IFT74: variants seen among roughly 807,000 people sequenced by gnomAD.
The protein encoded by IFT74 is intraflagellar transport 74.
IFT74 carries 92 observed loss-of-function variants against 96.7 expected under a neutral mutation model. That is an observed-to-expected ratio of 0.95 (90% CI 0.80 to 1.13). The LOEUF (loss-of-function observed/expected upper bound fraction) is 1.13. Among genes scored for constraint, IFT74 ranks in the 50% most tolerant of loss-of-function variants. The pLI is 0.00. For synonymous variants in IFT74, 223 were observed against 213.2 expected (o/e 1.05, Z -0.40); for missense variants, 811 against 698.2 (o/e 1.16, Z -1.82).
rs148613009 is a variant in IFT74, at chr9:26,988,568, T to G, written c.466-101T>G. ...TCAAAAGTATTAATACTTAAGTTAC[T>G]ACTCATTATTTGTAAGACTGAATAC... On this transcript the variant is annotated intron_variant, in intron 6 of 19. Coordinates refer to ENST00000380062, the MANE Select transcript of IFT74 (RefSeq NM_025103.4). 1,331 of 1,078,578 alleles carry G rather than the reference T, an allele frequency of 1.2e-3. 6 individuals carry two copies. In the African/African-American group the frequency reaches 0.019, roughly 15 times the overall value. 66.8% of individuals were successfully genotyped at this position (1,078,578 alleles called of 1,614,324 possible). A position where few individuals can be genotyped will look rare whatever the true frequency, so the allele number is the denominator to read the frequency against.
intron 2 of IFT74, among the ~76,000 whole-genome samples, chr9:26,968,380 G>T (rs996426631): frequency 2.0e-5 from 3 of 151,698 alleles, no homozygotes; most frequent in African/African-American, 7.3e-5. Flanking sequence ...TCCTTTCTCA[G>T]CCTCCCAAGT....
In IFT74 at chr9:27,047,266, A is replaced by T. The variant is rs772113072; in HGVS notation, c.1109-8A>T. The stretch of plus-strand genomic sequence containing the variant: ...GCAGTAATCTCTCTTATGTTTTCCA[A>T]TTGTCAGCTTTTATTGAGACTTTTG... On this transcript the variant is annotated splice_polypyrimidine_tract_variant and splice_region_variant and intron_variant, in intron 14 of 19. Transcript: ENST00000380062. 1.9e-6 allele frequency: 3 copies of T among 1,578,920 alleles called. No individual in the cohort carries two copies. Among genetic ancestry groups the T allele is most frequent in the East Asian group, 2.2e-5 (1 of 44,558 alleles).
intron 8 of IFT74, among the ~76,000 whole-genome samples, chr9:27,002,917 A>T (rs1249700679): frequency 1.3e-5 from 2 of 152,118 alleles, no homozygotes; most frequent in Non-Finnish European, 2.9e-5. Context: ...CACTCCATGA[A>T]CATGGATTAT....
chr9:26,975,427 C>G (rs1391389087), intron 2 of IFT74, among the ~76,000 whole-genome samples: 1 of 152,182 alleles, frequency 6.6e-6, no homozygotes, highest in East Asian at 1.9e-4. Flanking sequence ...GGCCGGAAAA[C>G]TGAGGGTTTG....
intron 13 of IFT74, among the ~76,000 whole-genome samples, chr9:27,038,089 G>A (rs533207826): frequency 6.6e-6 from 1 of 152,272 alleles, no homozygotes; most frequent in African/African-American, 2.4e-5. Context: ...ACAGTGTCAT[G>A]GATTTATGGA....
Position 27,010,080 on chromosome 9 carries a change from C to T in IFT74, c.726+922C>T, listed in dbSNP as rs370764554. ...TCGGCTCACTGCAAGCTACGCCTCC[C>T]GGGTTCATGCCATTCTCCTGCCTCA... is the stretch of plus-strand genomic sequence containing the variant. On this transcript the variant is annotated intron_variant, in intron 9 of 19. Coordinates refer to ENST00000380062, the MANE Select transcript of IFT74 (RefSeq NM_025103.4). 5.9e-5 allele frequency among the ~76,000 whole-genome samples: 9 copies of T among 151,744 alleles called. 1 individual carries two copies. In the South Asian group the frequency reaches 8.3e-4, roughly 14 times the overall value.
chr9:26,962,900 TTAAAA>T (rs1404622914), intron 2 of IFT74, among the ~76,000 whole-genome samples: 161 of 151,736 alleles, frequency 1.1e-3, no homozygotes, highest in African/African-American at 3.7e-3. Context: ...GATCAGAATC[TTAAAA>T]TTAAAAGGTA....
chr9:27,033,421 T>C (rs1163731554), intron 13 of IFT74, among the ~76,000 whole-genome samples: 1 of 152,002 alleles, frequency 6.6e-6, no homozygotes, highest in Non-Finnish European at 1.5e-5. Flanking sequence ...TAGCCAGGCA[T>C]GGTGATGTGT....
At chr9:27,001,040 G>A (rs1288072499) in intron 8 of IFT74, among the ~76,000 whole-genome samples, 3 of 152,066 alleles carry the variant, frequency 2.0e-5, no homozygotes, top group South Asian at 2.1e-4. Flanking sequence ...CCCACATGCC[G>A]GTGAGAATGT....
At chr9:27,029,189 C>A in intron 13 of IFT74, 85 bp downstream of exon 13, 1 of 946,394 alleles carries the variant, frequency 1.1e-6, no homozygotes, top group Non-Finnish European at 1.6e-6. Flanking sequence ...AGAGACTGTT[C>A]AACTACCTGG....
At chr9:27,020,878 C>T (rs1418766213) in intron 12 of IFT74, among the ~76,000 whole-genome samples, 2 of 152,104 alleles carry the variant, frequency 1.3e-5, no homozygotes, top group African/African-American at 4.8e-5. Context: ...ATCAACCAAG[C>T]AGTGTCCACT....
upstream of IFT74, among the ~76,000 whole-genome samples, chr9:26,953,160 A>G (rs1164110413): frequency 6.6e-6 from 1 of 152,212 alleles, no homozygotes; most frequent in African/African-American, 2.4e-5. Context: ...TTTTGCTTTC[A>G]GTGAGATAAG....
intron 16 of IFT74, among the ~76,000 whole-genome samples, chr9:27,054,962 G>A (rs1820095841): frequency 6.6e-6 from 1 of 152,144 alleles, no homozygotes; most frequent in South Asian, 2.1e-4. Flanking sequence ...TCAGGCATAA[G>A]TTACAGTGCT....
At chr9:26,963,605 T>A (rs542547909) in intron 2 of IFT74, among the ~76,000 whole-genome samples, 2 of 151,210 alleles carry the variant, frequency 1.3e-5, no homozygotes, top group East Asian at 4.0e-4. Flanking sequence ...TTTCTCCACA[T>A]CCTCTCCAGC....
At chr9:27,058,081 T>G (rs1820248539) in intron 18 of IFT74, among the ~76,000 whole-genome samples, 1 of 152,002 alleles carries the variant, frequency 6.6e-6, no homozygotes, top group Non-Finnish European at 1.5e-5. Flanking sequence ...TTTCTTAACT[T>G]TTTTCAGCCT....
At chr9:27,042,036 CCT>C (rs2131675004) in intron 13 of IFT74, among the ~76,000 whole-genome samples, 1 of 152,212 alleles carries the variant, frequency 6.6e-6, no homozygotes, top group East Asian at 1.9e-4. Flanking sequence ...GGAGGAGTCT[CCT>C]CTCAGGTTTC....
At chr9:26,953,240 G>A (rs551671543), upstream of IFT74, among the ~76,000 whole-genome samples, 5 of 152,182 alleles carry the variant, frequency 3.3e-5, 1 homozygote, top group Middle Eastern at 0.01. Flanking sequence ...TTTTATACTA[G>A]CTCTGGGGTT....
intron 2 of IFT74, among the ~76,000 whole-genome samples, chr9:26,971,799 G>A (rs552468014): frequency 2.6e-5 from 4 of 151,970 alleles, no homozygotes; most frequent in African/African-American, 4.8e-5. Context: ...ACCATTCTCC[G>A]TCCAGTTTTT....
At chr9:27,056,246 T>G in intron 17 of IFT74, 88 bp from the exon 18 acceptor site, 1 of 1,019,240 alleles carries the variant, frequency 9.8e-7, no homozygotes, top group Non-Finnish European at 1.5e-6. Context: ...TTTACCAGAA[T>G]ATAGTTATTG....
Sources: gnomAD v4.1 joint callset for allele counts (sites outside exome capture counted in the v4.1 genomes callset) on GRCh38, gnomAD v4.1.1 for gene constraint, MANE v1.5 for transcripts, NCBI Gene and HGNC (gene_info 2026-07-23, HGNC 2026-07-21) for gene names.